Variants in TADA2A observed in about 807,000 individuals in gnomAD.
TADA2A encodes transcriptional adapter 2-alpha.
Under a neutral mutation model 67.4 loss-of-function variants are expected in TADA2A, and 38 were observed. The ratio of observed to expected loss-of-function variants is 0.56; its 90% confidence interval spans 0.44 to 0.74. The LOEUF is 0.74. Among genes scored for constraint, TADA2A ranks in the 30% least tolerant of loss-of-function variants. The probability of loss-of-function intolerance (pLI) is 0.00; values close to 1 mark genes in which losing one functional copy is unlikely to be tolerated. For synonymous variants in TADA2A, 192 were observed against 181.6 expected (o/e 1.06, Z -0.46); for missense variants, 454 against 547.0 (o/e 0.83, Z 1.70).
chr17:37,421,368 C>T (rs977870313), intron 2 of TADA2A, among the ~76,000 whole-genome samples: 8 of 145,572 alleles, frequency 5.5e-5, no homozygotes, highest in African/African-American at 2.0e-4. Flanking sequence ...CAGTCTAAGA[C>T]CCTGTCTCAA....
At chr17:37,407,946 G>T (rs2051674233) in intron 1 of TADA2A, 1 of 152,652 alleles carries the variant, frequency 6.6e-6, no homozygotes, top group Non-Finnish European at 1.5e-5. Flanking sequence ...GAGTGCAATG[G>T]CGCCATCTCA....
At chr17:37,436,982 G>A (rs902867216) in intron 4 of TADA2A, among the ~76,000 whole-genome samples, 4 of 151,868 alleles carry the variant, frequency 2.6e-5, no homozygotes, top group Admixed American at 1.3e-4. Flanking sequence ...TGGTGGAAAC[G>A]GGTGGGAGAG....
chr17:37,472,715 A>C (rs1206713051), intron 14 of TADA2A, among the ~76,000 whole-genome samples: 3 of 152,032 alleles, frequency 2.0e-5, no homozygotes, highest in Non-Finnish European at 4.4e-5. Flanking sequence ...TATAAAAATT[A>C]GCTGGGTGTG....
Position 37,423,493 on chromosome 17 carries a change from T to C in TADA2A, c.26-16T>C. ...AAGGTGGTCTGAAATGTGCATTTGT[T>C]TTCTGTTTGTTCTAGATGATCCCTC... On this transcript the variant is annotated splice_polypyrimidine_tract_variant and intron_variant, in intron 2 of 15. Coordinates refer to ENST00000615182, the MANE Select transcript of TADA2A (RefSeq NM_001166105.3). The C allele has an allele frequency of 5.0e-6, 8 of 1,585,894 alleles. No individual in the cohort carries two copies. Among genetic ancestry groups the C allele is most frequent in the Non-Finnish European group, 6.9e-6 (8 of 1,166,110 alleles).
intron 8 of TADA2A, among the ~76,000 whole-genome samples, chr17:37,451,848 G>A (rs181879976): frequency 2.6e-4 from 40 of 152,132 alleles, no homozygotes; most frequent in Admixed American, 1.0e-3. Flanking sequence ...GCCAGACATG[G>A]TGGTGGGCAC....
intron 2 of TADA2A, among the ~76,000 whole-genome samples, chr17:37,421,066 C>T (rs907271471): frequency 2.7e-5 from 4 of 146,538 alleles, no homozygotes; most frequent in African/African-American, 7.4e-5. Context: ...TATGTACTTA[C>T]CATGGGAGAA....
chr17:37,415,598 G>A (rs116314199), intron 2 of TADA2A, among the ~76,000 whole-genome samples: 230 of 151,592 alleles, frequency 1.5e-3, no homozygotes, highest in African/African-American at 5.3e-3. Flanking sequence ...AGAGTGCCCC[G>A]GCTGGGCGCG....
chr17:37,451,030 C>CT (rs142724520), intron 8 of TADA2A, among the ~76,000 whole-genome samples: 21,575 of 148,676 alleles, frequency 0.15, 1,631 homozygotes, highest in East Asian at 0.25. Context: ...TATTCAGAGG[C>CT]TTTTTTTTTT....
chr17:37,410,137 A>T (rs2051815676), intron 1 of TADA2A, among the ~76,000 whole-genome samples: 1 of 152,018 alleles, frequency 6.6e-6, no homozygotes, highest in African/African-American at 2.4e-5. Flanking sequence ...TGAACCTGGG[A>T]GGCAGAGGTT....
At chr17:37,439,350 T>C (rs1053216598) in intron 5 of TADA2A, among the ~76,000 whole-genome samples, 2 of 152,096 alleles carry the variant, frequency 1.3e-5, no homozygotes, top group Non-Finnish European at 1.5e-5. Context: ...GGGCATGAGC[T>C]TGACTCATTT....
At chr17:37,443,004 A>C (rs571934233) in intron 7 of TADA2A, among the ~76,000 whole-genome samples, 2 of 152,176 alleles carry the variant, frequency 1.3e-5, no homozygotes, top group South Asian at 4.2e-4. Flanking sequence ...CTCTACAAAA[A>C]ATAAAAAATT....
intron 11 of TADA2A, 90 bp downstream of exon 11, chr17:37,465,631 A>T: frequency 6.4e-7 from 1 of 1,550,392 alleles, no homozygotes; most frequent in Non-Finnish European, 8.7e-7. Flanking sequence ...GAAGTTCTAT[A>T]AATAAATAAA....
At chr17:37,449,105 C>T (rs1033417857) in intron 8 of TADA2A, among the ~76,000 whole-genome samples, 4 of 152,030 alleles carry the variant, frequency 2.6e-5, no homozygotes, top group Non-Finnish European at 4.4e-5. Flanking sequence ...GCTGCAAGCT[C>T]CGCCTCCTGG....
chr17:37,414,224 C>G (rs1166874257), intron 2 of TADA2A, among the ~76,000 whole-genome samples: 1 of 152,078 alleles, frequency 6.6e-6, no homozygotes, highest in Non-Finnish European at 1.5e-5. Context: ...ATTATGGACA[C>G]AGGAATTCCT....
At chr17:37,439,927 TTTATTTATTTATTTA>T in intron 5 of TADA2A, among the ~76,000 whole-genome samples, 3 of 101,918 alleles carry the variant, frequency 2.9e-5, no homozygotes, top group African/African-American at 1.3e-4. Flanking sequence ...TATTTATTTA[TTTATTTATTTATTTA>T]TTATTTTTTT....
intron 4 of TADA2A, among the ~76,000 whole-genome samples, chr17:37,432,349 T>G (rs957398115): frequency 1.3e-5 from 2 of 152,078 alleles, no homozygotes; most frequent in Non-Finnish European, 2.9e-5. Context: ...GTATTTTTAG[T>G]AGAGACGGGG....
chr17:37,446,867 A>T (rs1408148716), intron 8 of TADA2A, among the ~76,000 whole-genome samples: 1 of 152,160 alleles, frequency 6.6e-6, no homozygotes, highest in Non-Finnish European at 1.5e-5. Flanking sequence ...TAGGACTTGC[A>T]GTTCCTTCTG....
Position 37,412,903 on chromosome 17 carries a change from C to T in TADA2A, c.25+1513C>T, listed in dbSNP as rs547386926. ...CCTAATGAGAAGAATCAGAAAAGTA[C>T]TTTTTGGGTGTTGTTTCCTCTTCAA... On this transcript the variant is annotated intron_variant, in intron 2 of 15. Transcript: ENST00000615182. 8.5e-5 allele frequency among the ~76,000 whole-genome samples: 13 copies of T among 152,052 alleles called. No individual in the cohort carries two copies. The South Asian group carries it at 2.5e-3, about 29-fold the overall frequency.
chr17:37,421,812 C>G (rs2052239361), intron 2 of TADA2A, among the ~76,000 whole-genome samples: 1 of 44,590 alleles, frequency 2.2e-5, no homozygotes, highest in Non-Finnish European at 3.8e-5. Context: ...GGAGTTTTCT[C>G]TTATTTGCCC....
Sources: gnomAD v4.1 joint callset for allele counts (sites outside exome capture counted in the v4.1 genomes callset) on GRCh38, gnomAD v4.1.1 for gene constraint, MANE v1.5 for transcripts, NCBI Gene and HGNC (gene_info 2026-07-23, HGNC 2026-07-21) for gene names.